The following PCSK5 variants were observed in gnomAD, a reference collection of about 807,000 sequenced individuals.
The protein encoded by PCSK5 is proprotein convertase subtilisin/kexin type 5.
Under a neutral mutation model 233.2 loss-of-function variants are expected in PCSK5, and 129 were observed. The observed-to-expected ratio is 0.55, with a 90% confidence interval of 0.48 to 0.64. PCSK5 has a LOEUF of 0.64. Ranked by LOEUF, PCSK5 falls within the 30% of genes least tolerant of loss-of-function variation. The pLI is 0.00. For synonymous variants in PCSK5, 825 were observed against 879.2 expected (o/e 0.94, Z 1.09); for missense variants, 2,076 against 2,430.1 (o/e 0.85, Z 3.06).
At chr9:76,130,170 G>T (rs555475329) in intron 9 of PCSK5, among the ~76,000 whole-genome samples, 1 of 152,092 alleles carries the variant, frequency 6.6e-6, no homozygotes, top group Non-Finnish European at 1.5e-5. Flanking sequence ...TGGGTAAAAG[G>T]CCTTTGGAAC....
intron 2 of PCSK5, among the ~76,000 whole-genome samples, chr9:75,937,842 C>T (rs571115183): frequency 6.6e-6 from 1 of 152,172 alleles, no homozygotes; most frequent in African/African-American, 2.4e-5. Flanking sequence ...TGAACCAACC[C>T]CTGCTAGCTT....
intron 21 of PCSK5, among the ~76,000 whole-genome samples, chr9:76,232,738 A>T (rs934828872): frequency 2.5e-4 from 38 of 152,234 alleles, no homozygotes; most frequent in African/African-American, 8.9e-4. Context: ...ATGAAGCAAA[A>T]CTATAAAAAT....
At chr9:76,028,624 A>G (rs1321179002) in intron 5 of PCSK5, among the ~76,000 whole-genome samples, 1 of 152,100 alleles carries the variant, frequency 6.6e-6, no homozygotes, top group Admixed American at 6.6e-5. Context: ...CACTGATCTT[A>G]GGTTTTACAG....
chr9:76,041,180 TTC>T (rs1441352154), intron 5 of PCSK5, among the ~76,000 whole-genome samples: 1 of 152,210 alleles, frequency 6.6e-6, no homozygotes, highest in Non-Finnish European at 1.5e-5. Flanking sequence ...AAGTAAAAAG[TTC>T]TTTTTATGTA....
intron 28 of PCSK5, among the ~76,000 whole-genome samples, chr9:76,303,149 A>G (rs1435252595): frequency 6.6e-6 from 1 of 152,136 alleles, no homozygotes; most frequent in Non-Finnish European, 1.5e-5. Context: ...AACTGCTTGT[A>G]CAGATCTCCC....
intron 14 of PCSK5, among the ~76,000 whole-genome samples, chr9:76,177,572 T>A (rs1296430768): frequency 6.6e-6 from 1 of 152,256 alleles, no homozygotes; most frequent in Non-Finnish European, 1.5e-5. Flanking sequence ...GCTTTGAGCC[T>A]ATAGCATTGC....
At chr9:76,284,311 G>A (rs548798446) in intron 24 of PCSK5, among the ~76,000 whole-genome samples, 20 of 152,188 alleles carry the variant, frequency 1.3e-4, no homozygotes, top group Middle Eastern at 3.4e-3. Flanking sequence ...CCGGTGGGGG[G>A]TAACTGAATC....
rs73462495 is a variant in PCSK5 at position 76,282,384 on chromosome 9, A to G, written c.3143-9849A>G. On this transcript the variant is annotated intron_variant, in intron 24 of 37. Transcript: ENST00000674117. ...TTTTTTTCGAGACAGGGTTTTTGCA[A>G]TCTTGACTCACTGCAGCCTTGACCT... Among the ~76,000 whole-genome samples, 722 of 134,038 alleles carry G rather than the reference A, an allele frequency of 5.4e-3. 4 individuals carry two copies. Among genetic ancestry groups the G allele is most frequent in the African/African-American group, 0.019 (645 of 34,558 alleles). The allele number at this position is 134,038 out of a possible 152,430, so 87.9% of individuals were successfully genotyped here.
intron 20 of PCSK5, among the ~76,000 whole-genome samples, chr9:76,205,888 C>T (rs530707598): frequency 2.6e-5 from 4 of 152,272 alleles, no homozygotes; most frequent in South Asian, 4.1e-4. Context: ...CCCACCCTTC[C>T]GGATGGCAAG....
chr9:75,900,672 CTG>C (rs1825988291), intron 1 of PCSK5, among the ~76,000 whole-genome samples: 2 of 109,148 alleles, frequency 1.8e-5, no homozygotes, highest in Non-Finnish European at 3.5e-5. Context: ...GAGCGAGACT[CTG>C]TCTCAAAAAA....
chr9:76,314,697 C>T (rs1403901350), intron 30 of PCSK5, among the ~76,000 whole-genome samples: 5 of 152,190 alleles, frequency 3.3e-5, no homozygotes, highest in South Asian at 2.1e-4. Context: ...AGTGCAATGG[C>T]GCGATCTCGG....
At chr9:76,051,367 C>T (rs1829622614) in intron 5 of PCSK5, among the ~76,000 whole-genome samples, 1 of 152,032 alleles carries the variant, frequency 6.6e-6, no homozygotes, top group Admixed American at 6.6e-5. Flanking sequence ...CTTTGTATGC[C>T]CCAGGCCCCA....
intron 1 of PCSK5, among the ~76,000 whole-genome samples, chr9:75,907,784 G>A (rs773077700): frequency 3.5e-4 from 54 of 152,170 alleles, no homozygotes; most frequent in African/African-American, 1.3e-3. Context: ...GAAGAAACTG[G>A]TCAGTAGTAA....
intron 5 of PCSK5, among the ~76,000 whole-genome samples, chr9:76,061,349 G>A (rs1270663487): frequency 6.6e-6 from 1 of 152,050 alleles, no homozygotes; most frequent in African/African-American, 2.4e-5. Flanking sequence ...GATTATTATT[G>A]ATACCAAAAG....
At chr9:75,927,288 A>G (rs1401070340) in intron 1 of PCSK5, among the ~76,000 whole-genome samples, 1 of 152,050 alleles carries the variant, frequency 6.6e-6, no homozygotes, top group Non-Finnish European at 1.5e-5. Flanking sequence ...TTGTTTGTAG[A>G]ATGGAGGCAA....
At chr9:76,039,004 A>C (rs1828983762) in intron 5 of PCSK5, among the ~76,000 whole-genome samples, 1 of 152,200 alleles carries the variant, frequency 6.6e-6, no homozygotes. Context: ...GAACAATACC[A>C]ATTTCACTGT....
At chr9:76,042,852 G>A (rs567444043) in intron 5 of PCSK5, among the ~76,000 whole-genome samples, 7 of 152,242 alleles carry the variant, frequency 4.6e-5, no homozygotes, top group South Asian at 4.1e-4. Flanking sequence ...TTTAATGAAC[G>A]TGCATCGCAA....
chr9:75,978,641 A>G (rs903749092), intron 2 of PCSK5, among the ~76,000 whole-genome samples: 14 of 152,206 alleles, frequency 9.2e-5, no homozygotes, highest in African/African-American at 3.1e-4. Context: ...AGATGTTTTA[A>G]TAGCTCCAGA....
rs188709258 is a variant in PCSK5 at position 76,318,516 on chromosome 9, A to C, written c.3885-2906A>C. Among the ~76,000 whole-genome samples the C allele has an allele frequency of 6.2e-4, 95 of 152,282 alleles. 1 individual carries two copies. The East Asian group carries it at 0.017, about 27-fold the overall frequency. ...AAGAAACCTCATCTATCCATCCCTC[A>C]TCTCCCAAATATATTTGAGAGGATT... On this transcript the variant is annotated intron_variant, in intron 30 of 37. Transcript: ENST00000674117.
Sources: allele counts gnomAD v4.1 joint callset (sites outside exome capture counted in the v4.1 genomes callset), GRCh38; gene constraint gnomAD v4.1.1; transcripts MANE v1.5; gene names NCBI Gene and HGNC (gene_info 2026-07-23, HGNC 2026-07-21).